Variants in CLPTM1L observed in about 807,000 individuals in gnomAD.
CLPTM1L encodes lipid scramblase CLPTM1L.
A neutral mutation model predicts 70.9 loss-of-function variants in CLPTM1L; 38 were observed. That is an observed-to-expected ratio of 0.54 (90% CI 0.41 to 0.70). The LOEUF (loss-of-function observed/expected upper bound fraction) is 0.70. Among genes scored for constraint, CLPTM1L ranks in the 30% least tolerant of loss-of-function variants. The pLI, the probability that CLPTM1L is intolerant of heterozygous loss-of-function variation, is 0.00. For synonymous variants in CLPTM1L, 339 were observed against 299.9 expected (o/e 1.13, Z -1.35); for missense variants, 652 against 705.9 (o/e 0.92, Z 0.87).
chr5:1,334,614 C>T (rs397640), intron 6 of CLPTM1L, among the ~76,000 whole-genome samples: 11,087 of 151,782 alleles, frequency 0.073, 515 homozygotes, highest in Non-Finnish European at 0.11. Context: ...ATTAGCTGGG[C>T]GTGGGGGCAC....
intron 7 of CLPTM1L, 140 bp from the exon 8 acceptor site, chr5:1,332,023 C>T (rs1321577327): frequency 7.0e-6 from 5 of 709,548 alleles, no homozygotes; most frequent in Admixed American, 4.3e-5. Flanking sequence ...TGTCTACACT[C>T]GGGACCCATG....
intron 16 of CLPTM1L, chr5:1,320,079 G>A (rs1241076566): frequency 6.6e-6 from 1 of 152,282 alleles, no homozygotes; most frequent in Non-Finnish European, 1.5e-5. Context: ...ATTCCACAAA[G>A]CCTTTTCCTC....
intron 13 of CLPTM1L, among the ~76,000 whole-genome samples, chr5:1,322,311 C>T (rs1035371507): frequency 1.3e-5 from 2 of 152,170 alleles, no homozygotes; most frequent in Non-Finnish European, 2.9e-5. Context: ...GGGGGATGGA[C>T]ACAGCAGCCC....
Position 1,335,190 on chromosome 5 carries a change from A to C in CLPTM1L, c.679-16T>G, listed in dbSNP as rs1753493171. ...GGTTTATGACCTGATGAAGAAAGCC[A>C]CACTGAGGGCCCTGCCCTCATACCC... On this transcript the variant is annotated splice_polypyrimidine_tract_variant and intron_variant, in intron 5 of 16. Transcript: ENST00000320895. 6.2e-7 allele frequency: 1 copy of C among 1,601,220 alleles called. No homozygotes were observed. Among genetic ancestry groups the C allele is most frequent in the South Asian group, 1.1e-5 (1 of 90,804 alleles).
intron 2 of CLPTM1L, among the ~76,000 whole-genome samples, chr5:1,343,712 G>T (rs1754093297): frequency 6.6e-6 from 1 of 152,344 alleles, no homozygotes; most frequent in South Asian, 2.1e-4. Flanking sequence ...TGGCTGCCTA[G>T]AGGGCGTGGA....
intron 10 of CLPTM1L, 125 bp from the exon 11 acceptor site, chr5:1,324,938 C>G: frequency 2.4e-6 from 2 of 818,656 alleles, no homozygotes; most frequent in Admixed American, 1.9e-5. Flanking sequence ...AGAGGGCGCT[C>G]AGGTCCCTAC....
chr5:1,333,972 C>T (rs1028611716), intron 7 of CLPTM1L, among the ~76,000 whole-genome samples: 3 of 152,126 alleles, frequency 2.0e-5, no homozygotes, highest in Non-Finnish European at 4.4e-5. Context: ...TGCACCTATT[C>T]ATCTCATTGG....
At position 1,328,396 on chromosome 5, in the gene CLPTM1L, C is replaced by T. The variant is rs1265276884; in HGVS notation, c.1080+1884G>A. On this transcript the variant is annotated intron_variant, in intron 9 of 16. Transcript: ENST00000320895. The stretch of plus-strand genomic sequence containing the variant: ...CTCCTCCTCTACAGGGACATTTCTT[C>T]CAGCTCCTCCTCTACAGACACATTC... 2.7e-5 allele frequency among the ~76,000 whole-genome samples: 4 copies of T among 149,004 alleles called. No homozygotes were observed. The East Asian group carries it at 8.0e-4, about 30-fold the overall frequency.
chr5:1,326,097 C>A, intron 9 of CLPTM1L: 2 of 450,524 alleles, frequency 4.4e-6, no homozygotes, highest in Non-Finnish European at 7.9e-6. Flanking sequence ...ACTCTGCCTG[C>A]ACCCAAATAA....
chr5:1,338,022 C>A (rs531654903), intron 4 of CLPTM1L, 40 bp from the exon 5 acceptor site: 8 of 1,519,764 alleles, frequency 5.3e-6, no homozygotes, highest in East Asian at 2.3e-5. Flanking sequence ...AGCACCAAGG[C>A]TTTTACCTTT....
intron 3 of CLPTM1L, among the ~76,000 whole-genome samples, chr5:1,340,039 G>A (rs1351402577): frequency 2.0e-5 from 3 of 152,342 alleles, no homozygotes; most frequent in African/African-American, 7.2e-5. Flanking sequence ...AGGGCACAGC[G>A]GCCCCACAGC....
chr5:1,341,606 A>G (rs1753937509), intron 3 of CLPTM1L, 65 bp downstream of exon 3: 1 of 1,409,024 alleles, frequency 7.1e-7, no homozygotes, highest in African/African-American at 1.4e-5. Flanking sequence ...ACCTGTGTGG[A>G]GAAAGACATG....
rs1246113139 is a variant in CLPTM1L at position 1,318,398 on chromosome 5, T to C, written c.1588A>G (p.Lys530Glu). 2 of 1,613,784 alleles carry C rather than the reference T, an allele frequency of 1.2e-6. No individual in the cohort carries two copies. Residue 530 changes from lysine to glutamate, a missense_variant, in exon 17 of 17, where the codon AAG becomes GAG. Lys to Glu is a moderately conservative substitution (Grantham distance 56, BLOSUM62 1). Transcript: ENST00000320895. This position sits in a 1 kb window ranked among gnomAD's most constrained non-coding sequence, Gnocchi z 8.9. Reference sequence around the variant, plus strand: ...TCCGTGTGGGGCGCCCGCGTGGCCTTCTCCTCGTAGGACTCCCCAAACTCG... The same window carrying C: ...TCCGTGTGGGGCGCCCGCGTGGCCTCCTCCTCGTAGGACTCCCCAAACTCG... ...VNEFGESYEEKATRAPHTD is the reference protein window; with the variant it reads ...VNEFGESYEEEATRAPHTD
intron 9 of CLPTM1L, among the ~76,000 whole-genome samples, chr5:1,326,873 AGACACATTTCATCCAGCTCCTCCTCTACG>A (rs1561234355): frequency 3.6e-4 from 53 of 147,816 alleles, no homozygotes; most frequent in African/African-American, 7.8e-4. Context: ...CCTCCTCGAC[AGACACATTTCATCCAGCTCCTCCTCTACG>A]GACACATTTC....
chr5:1,320,501 T>C (rs866138615), intron 16 of CLPTM1L, 115 bp downstream of exon 16: 13 of 551,844 alleles, frequency 2.4e-5, no homozygotes, highest in African/African-American at 3.9e-5. Context: ...CTGCAAATTA[T>C]CTTTTCCCTC....
chr5:1,337,600 A>G (rs931890397), intron 5 of CLPTM1L, among the ~76,000 whole-genome samples: 2 of 152,244 alleles, frequency 1.3e-5, no homozygotes, highest in African/African-American at 2.4e-5. Flanking sequence ...CACGGTGCTC[A>G]TGTGCCTGCT....
At chr5:1,340,769 G>A (rs1015694188) in intron 3 of CLPTM1L, among the ~76,000 whole-genome samples, 6 of 152,174 alleles carry the variant, frequency 3.9e-5, no homozygotes, top group Non-Finnish European at 8.8e-5. Flanking sequence ...TTCCTGGAAA[G>A]CTGCCATCTT....
At chr5:1,333,076 C>T (rs1579640917) in intron 7 of CLPTM1L, among the ~76,000 whole-genome samples, 3 of 95,482 alleles carry the variant, frequency 3.1e-5, no homozygotes, top group Admixed American at 1.1e-4. Context: ...GGGGGGACTA[C>T]TGTATACACA....
chr5:1,325,875 G>A, intron 9 of CLPTM1L, 59 bp from the exon 10 acceptor site: 1 of 1,445,884 alleles, frequency 6.9e-7, no homozygotes. Flanking sequence ...AGCCACGAAT[G>A]AACGACCCAG....
Sources: allele counts gnomAD v4.1 joint callset (sites outside exome capture counted in the v4.1 genomes callset), GRCh38; gene constraint gnomAD v4.1.1; non-coding constraint Gnocchi (gnomAD v3.1); transcripts MANE v1.5; gene names NCBI Gene and HGNC (gene_info 2026-07-23, HGNC 2026-07-21).